The following USH2A variants were observed in gnomAD, a reference collection of about 807,000 sequenced individuals.
The protein encoded by USH2A is usherin, also known as Usher syndrome 2A (autosomal recessive, mild).
USH2A carries 443 observed loss-of-function variants against 538.9 expected under a neutral mutation model. The ratio of observed to expected loss-of-function variants is 0.82; its 90% confidence interval spans 0.76 to 0.89. The LOEUF is 0.89. Ranked by LOEUF, USH2A falls within the 40% of genes least tolerant of loss-of-function variation. USH2A has a pLI of 0.00. For missense variants in USH2A, 6,633 were observed against 6,324.8 expected (o/e 1.05, Z -1.65); for synonymous variants, 2,413 against 2,273.5 (o/e 1.06, Z -1.75).
rs142682219 is a variant in USH2A at position 215,770,168 on chromosome 1, C to T, written c.10940-3380G>A. 3.7e-4 allele frequency among the ~76,000 whole-genome samples: 56 copies of T among 152,242 alleles called. No individual in the cohort carries two copies. In the East Asian group the frequency reaches 0.01, roughly 28 times the overall value. On this transcript the variant is annotated intron_variant, in intron 55 of 71. Transcript: ENST00000307340. The stretch of plus-strand genomic sequence containing the variant: ...CTATCAGGCTTTGTACTTTATTTAG[C>T]GTTGACTTCACCTGGACTGAGGAGT...
chr1:216,065,662 C>T (rs576458369), intron 30 of USH2A, among the ~76,000 whole-genome samples: 78 of 152,258 alleles, frequency 5.1e-4, no homozygotes, highest in African/African-American at 1.5e-3. Flanking sequence ...TTTGGGAGGC[C>T]AAGGCTGGTG....
chr1:215,625,055 TCTC>T lies in USH2A; in HGVS notation c.*723_*725del, dbSNP rs1193501445. 1.3e-5 allele frequency: 2 copies of T among 152,224 alleles called. No individual in the cohort carries two copies. 9.4% of individuals were successfully genotyped at this position (152,224 alleles called of 1,614,324 possible). On this transcript the variant is annotated 3_prime_UTR_variant, in exon 72 of 72. Coordinates refer to ENST00000307340, the MANE Select transcript of USH2A (RefSeq NM_206933.4). The stretch of plus-strand genomic sequence containing the variant: ...GTGTTCCTAGTGAAACACTTTGTTT[TCTC>T]CTCAAAATGTATAAATAAGCTGTTT...
At chr1:215,725,138 A>C (rs369803163) in intron 61 of USH2A, among the ~76,000 whole-genome samples, 2 of 152,008 alleles carry the variant, frequency 1.3e-5, no homozygotes, top group Non-Finnish European at 2.9e-5. Flanking sequence ...GGTTCAAGCA[A>C]TTCTCCTGCC....
In USH2A at chr1:216,104,218, C is replaced by T. The variant is rs183547003; in HGVS notation, c.4628-7005G>A. On this transcript the variant is annotated intron_variant, in intron 21 of 71. Coordinates refer to ENST00000307340, the MANE Select transcript of USH2A (RefSeq NM_206933.4). The stretch of plus-strand genomic sequence containing the variant: ...TCTCCAAATGCTTTCCCTCCCTCCT[C>T]CCCCCACCCCACAACAGGCCCTGGT... Among the ~76,000 whole-genome samples the T allele has an allele frequency of 8.6e-5, 13 of 151,118 alleles. No homozygotes were observed. The East Asian group carries it at 2.2e-3, about 25-fold the overall frequency.
At chr1:216,260,394 G>C (rs1418501280) in intron 11 of USH2A, among the ~76,000 whole-genome samples, 1 of 152,138 alleles carries the variant, frequency 6.6e-6, no homozygotes, top group Non-Finnish European at 1.5e-5. Context: ...GAAGTAAGAG[G>C]ACACACACAG....
intron 45 of USH2A, 74 bp downstream of exon 45, chr1:215,845,750 A>T: frequency 6.6e-7 from 1 of 1,517,246 alleles, no homozygotes; most frequent in South Asian, 1.2e-5. Context: ...GGGATGACTG[A>T]TCTCAACCCC....
chr1:215,803,979 A>G (rs1295376074), intron 49 of USH2A, among the ~76,000 whole-genome samples: 2 of 152,302 alleles, frequency 1.3e-5, no homozygotes, highest in African/African-American at 4.8e-5. Flanking sequence ...AAATAATGCC[A>G]CATATCTACA....
At chr1:216,216,073 C>A (rs1371182168) in intron 15 of USH2A, among the ~76,000 whole-genome samples, 2 of 152,022 alleles carry the variant, frequency 1.3e-5, no homozygotes, top group Middle Eastern at 3.2e-3. Context: ...AAATGACGAT[C>A]CATAACTCAT....
At chr1:216,163,344 T>C (rs1037682608) in intron 21 of USH2A, among the ~76,000 whole-genome samples, 2 of 152,074 alleles carry the variant, frequency 1.3e-5, no homozygotes, top group Admixed American at 1.3e-4. Flanking sequence ...ATATTAATTA[T>C]AGTTATTTTA....
chr1:215,981,382 G>T (rs1223249633), intron 35 of USH2A, among the ~76,000 whole-genome samples: 1 of 151,786 alleles, frequency 6.6e-6, no homozygotes, highest in East Asian at 1.9e-4. Context: ...AGTATATTTT[G>T]ATAAAAAATA....
Position 216,421,770 on chromosome 1 carries a change from G to A in USH2A, c.485+82C>T, listed in dbSNP as rs914649623. 156 of 1,598,898 alleles carry A rather than the reference G, an allele frequency of 9.8e-5. 2 individuals carry two copies. Among genetic ancestry groups the A allele is most frequent in the African/African-American group, 1.3e-4 (10 of 74,652 alleles). ...TGAATTCTATATAGCCTTCACTTCC[G>A]GTTTGGAATTCAGGCTGAAATGATC... is the stretch of plus-strand genomic sequence containing the variant. On this transcript the variant is annotated intron_variant, in intron 2 of 71. Transcript: ENST00000307340.
At chr1:215,875,101 C>G (rs1329040230) in intron 43 of USH2A, among the ~76,000 whole-genome samples, 4 of 152,114 alleles carry the variant, frequency 2.6e-5, no homozygotes, top group Non-Finnish European at 4.4e-5. Flanking sequence ...AAAATCACTT[C>G]CTTTAAAGAG....
chr1:216,239,886 C>G (rs919697423), intron 13 of USH2A, among the ~76,000 whole-genome samples: 34 of 151,890 alleles, frequency 2.2e-4, no homozygotes, highest in African/African-American at 8.0e-4. Context: ...AAAGAGAGGG[C>G]TCAAGGATGT....
At chr1:216,262,626 A>T (rs1411917717) in intron 11 of USH2A, among the ~76,000 whole-genome samples, 1 of 152,082 alleles carries the variant, frequency 6.6e-6, no homozygotes, top group East Asian at 1.9e-4. Flanking sequence ...GCTTAGAAAG[A>T]CAAGATGACA....
chr1:216,159,470 C>T (rs1461997559), intron 21 of USH2A, among the ~76,000 whole-genome samples: 1 of 151,268 alleles, frequency 6.6e-6, no homozygotes, highest in African/African-American at 2.4e-5. Context: ...GAATCACATA[C>T]ATTTTGAAAA....
At position 216,085,120 on chromosome 1, in the gene USH2A, G is replaced by C. The variant is rs150993153; in HGVS notation, c.4988-243C>G. 2.0e-3 allele frequency: 915 copies of C among 464,076 alleles called. 13 individuals carry two copies. Among genetic ancestry groups the C allele is most frequent in the African/African-American group, 0.016 (829 of 51,236 alleles). The allele number at this position is 464,076 out of a possible 1,614,324, so 28.7% of individuals were successfully genotyped here. On this transcript the variant is annotated intron_variant, in intron 24 of 71. Transcript: ENST00000307340. ...AAACAGATGTTTATGCAGAAACCTT[G>C]GTTTTGCAGTAGCAAGAATATTGCC...
intron 21 of USH2A, among the ~76,000 whole-genome samples, chr1:216,168,066 A>T (rs1175547897): frequency 6.6e-6 from 1 of 152,124 alleles, no homozygotes; most frequent in East Asian, 1.9e-4. Flanking sequence ...TAAATGTTTT[A>T]ACTAATTTTT....
chr1:215,639,368 A>G, intron 68 of USH2A, 130 bp from the exon 69 acceptor site: 1 of 821,896 alleles, frequency 1.2e-6, no homozygotes, highest in East Asian at 2.7e-5. Context: ...CGTTTTATAT[A>G]ATATTCAAAA....
intron 49 of USH2A, among the ~76,000 whole-genome samples, chr1:215,801,673 C>G (rs1002459234): frequency 4.6e-5 from 7 of 152,044 alleles, no homozygotes; most frequent in African/African-American, 1.7e-4. Context: ...GGACTGGGAG[C>G]CTTAATGTTG....
Sources: allele counts gnomAD v4.1 joint callset (sites outside exome capture counted in the v4.1 genomes callset), GRCh38; gene constraint gnomAD v4.1.1; transcripts MANE v1.5; gene names NCBI Gene and HGNC (gene_info 2026-07-23, HGNC 2026-07-21).